Variants in LPAR6 observed in about 807,000 individuals in gnomAD.
The protein encoded by LPAR6 is lysophosphatidic acid receptor 6, also known as G-protein coupled purinergic receptor P2Y5.
Under a neutral mutation model 22.0 loss-of-function variants are expected in LPAR6, and 17 were observed. The observed-to-expected ratio is 0.77, with a 90% CI of 0.53 to 1.16. The LOEUF (loss-of-function observed/expected upper bound fraction) is 1.16, where lower values mean the gene tolerates loss of function less well. Among genes scored for constraint, LPAR6 ranks in the 50% most tolerant of loss-of-function variants. The pLI, the probability that LPAR6 is intolerant of heterozygous loss-of-function variation, is 0.00. For synonymous variants in LPAR6, 136 were observed against 139.8 expected, an observed-to-expected ratio of 0.97 and a Z score of 0.19; for missense variants, 384 against 406.9, an observed-to-expected ratio of 0.94 and a Z score of 0.48.
chr13:48,398,887 A>G (rs768825222), intron 1 of LPAR6, among the ~76,000 whole-genome samples: 2 of 152,128 alleles, frequency 1.3e-5, no homozygotes, highest in East Asian at 1.9e-4. Context: ...CTAGGAGCTA[A>G]TAAGTAACAA....
At chr13:48,442,556 T>G (rs1190836061) in intron 1 of LPAR6, among the ~76,000 whole-genome samples, 1 of 152,212 alleles carries the variant, frequency 6.6e-6, no homozygotes, top group African/African-American at 2.4e-5. Flanking sequence ...ACAAAAACTC[T>G]TTAACAAGGT....
upstream of LPAR6, among the ~76,000 whole-genome samples, chr13:48,430,046 G>C (rs1949113804): frequency 1.3e-5 from 2 of 152,100 alleles, no homozygotes; most frequent in South Asian, 4.1e-4. Flanking sequence ...GATACTGTGG[G>C]TTATATCACC....
chr13:48,440,000 A>G (rs1035750100), intron 1 of LPAR6, among the ~76,000 whole-genome samples: 17 of 152,176 alleles, frequency 1.1e-4, no homozygotes, highest in African/African-American at 3.9e-4. Context: ...ATATTTTTAT[A>G]TGTATATGAG....
chr13:48,394,775 A>T (rs1330913384), intron 1 of LPAR6, among the ~76,000 whole-genome samples: 1 of 152,182 alleles, frequency 6.6e-6, no homozygotes, highest in African/African-American at 2.4e-5. Flanking sequence ...ACTCCCATCT[A>T]CCTGGGACAG....
chr13:48,441,993 C>T (rs1197190847), intron 1 of LPAR6, among the ~76,000 whole-genome samples: 1 of 152,112 alleles, frequency 6.6e-6, no homozygotes, highest in East Asian at 1.9e-4. Flanking sequence ...ATGTTTATTT[C>T]TGACTTTTAA....
chr13:48,418,212 G>A (rs1948946674), intron 2 of LPAR6, among the ~76,000 whole-genome samples: 2 of 150,832 alleles, frequency 1.3e-5, no homozygotes, highest in African/African-American at 2.4e-5. Context: ...CCAGAAAAGA[G>A]TGGGGGCCAA....
downstream of LPAR6, chr13:48,408,776 A>G (rs573672467): frequency 1.3e-5 from 2 of 152,306 alleles, no homozygotes; most frequent in Middle Eastern, 3.4e-3. Context: ...TCCTGTTGAC[A>G]AGAGACACCA....
intron 1 of LPAR6, among the ~76,000 whole-genome samples, chr13:48,439,097 C>T (rs1482553136): frequency 1.3e-5 from 2 of 152,142 alleles, no homozygotes; most frequent in African/African-American, 4.8e-5. Context: ...AGGAACGTGA[C>T]TCCCATACTA....
intron 1 of LPAR6, among the ~76,000 whole-genome samples, chr13:48,436,376 C>T (rs1388558094): frequency 6.6e-6 from 1 of 152,142 alleles, no homozygotes; most frequent in Non-Finnish European, 1.5e-5. Context: ...ATTGCTGTGG[C>T]TCATGCTTGT....
intron 2 of LPAR6, among the ~76,000 whole-genome samples, chr13:48,418,213 T>TG (rs1170505632): frequency 1.3e-5 from 2 of 150,320 alleles, no homozygotes; most frequent in African/African-American, 2.4e-5. Context: ...CAGAAAAGAG[T>TG]GGGGGCCAAT....
intron 1 of LPAR6, among the ~76,000 whole-genome samples, chr13:48,398,749 A>G (rs1948667273): frequency 6.6e-6 from 1 of 152,084 alleles, no homozygotes; most frequent in African/African-American, 2.4e-5. Flanking sequence ...TACTACCTCT[A>G]TAATATATAG....
downstream of LPAR6, among the ~76,000 whole-genome samples, chr13:48,407,899 G>A (rs1051898259): frequency 2.6e-5 from 4 of 152,070 alleles, no homozygotes; most frequent in Admixed American, 1.3e-4. Flanking sequence ...ATTTAGGCAC[G>A]AAAAAAGTTT....
chr13:48,432,409 T>G (rs1456471983), intron 1 of LPAR6, among the ~76,000 whole-genome samples: 1 of 150,952 alleles, frequency 6.6e-6, no homozygotes, highest in African/African-American at 2.4e-5. Context: ...AAAATAGGAA[T>G]GCATGTTTTG....
In LPAR6 at chr13:48,411,943, C is replaced by G; in HGVS notation, c.481G>C (p.Gly161Arg). 6.2e-7 allele frequency: 1 copy of G among 1,612,396 alleles called. No homozygotes were observed. Among genetic ancestry groups the G allele is most frequent in the Non-Finnish European group, 8.5e-7 (1 of 1,179,126 alleles). ...AVFVQSTHSQ[G>R]NNASEACFEN... ...AAGCAGGCTTCTGAGGCATTGTTAC[C>G]CTGAGAGTGGGTAGACTGAACAAAA... Residue 161 changes from glycine to arginine, a missense_variant, in exon 1 of 1, where the codon GGT (glycine) becomes CGT (arginine). By Grantham distance (125) the Gly-to-Arg change is moderately radical. Transcript: ENST00000620633.
chr13:48,404,474 G>C (rs1052549008), intron 1 of LPAR6, among the ~76,000 whole-genome samples: 56 of 151,666 alleles, frequency 3.7e-4, no homozygotes, highest in Admixed American at 6.6e-5. Context: ...ATGAAAACCA[G>C]GGGGCTTCAG....
chr13:48,425,192 G>T (rs566931235), intron 1 of LPAR6, among the ~76,000 whole-genome samples: 1 of 152,310 alleles, frequency 6.6e-6, no homozygotes, highest in African/African-American at 2.4e-5. Flanking sequence ...TGTAATGAAG[G>T]CTAGCCTTTA....
At chr13:48,417,627 A>T (rs189088171), upstream of LPAR6, among the ~76,000 whole-genome samples, 2 of 152,316 alleles carry the variant, frequency 1.3e-5, no homozygotes, top group East Asian at 1.9e-4. Context: ...CAAGGAAGCT[A>T]AAAACCTTGA....
Position 48,444,256 on chromosome 13 carries a change from C to A in LPAR6, c.-1474+297G>T. Among the ~76,000 whole-genome samples, 2 of 152,198 alleles carry A rather than the reference C, an allele frequency of 1.3e-5. 1 individual carries two copies. Among genetic ancestry groups the A allele is most frequent in the Admixed American group, 1.3e-4 (2 of 15,282 alleles). ...AGGATACTGGGCACGGTGGCTCAAG[C>A]CTGTAATCCCAGCACTTTGGGAGGT... On this transcript the variant is annotated intron_variant, in intron 1 of 6. Coordinates refer to the LPAR6 transcript ENST00000378434.
chr13:48,419,167 A>G (rs1481536008), intron 2 of LPAR6, among the ~76,000 whole-genome samples: 2 of 152,214 alleles, frequency 1.3e-5, no homozygotes, highest in East Asian at 1.9e-4. Flanking sequence ...ATGCAAAACA[A>G]TGGAAATCAT....
Sources: allele counts gnomAD v4.1 joint callset (sites outside exome capture counted in the v4.1 genomes callset), GRCh38; gene constraint gnomAD v4.1.1; transcripts MANE v1.5; gene names NCBI Gene and HGNC (gene_info 2026-07-23, HGNC 2026-07-21).